Variants in C12orf42 observed in about 807,000 individuals in gnomAD.
C12orf42 encodes the protein uncharacterized protein C12orf42.
C12orf42 carries 25 observed loss-of-function variants against 21.6 expected under a neutral mutation model. That is an observed-to-expected ratio of 1.16 (90% CI 0.84 to 1.62). The LOEUF (loss-of-function observed/expected upper bound fraction) is 1.62. C12orf42 is among the 40% of genes most tolerant of loss of function. C12orf42 has a pLI of 0.00. For missense variants in C12orf42, 483 were observed against 459.3 expected (o/e 1.05, Z -0.47); for synonymous variants, 174 against 175.0 (o/e 0.99, Z 0.05).
the C12orf42 span, among the ~76,000 whole-genome samples, chr12:103,176,432 TATAA>T: frequency 5.9e-5 from 9 of 152,174 alleles, no homozygotes; most frequent in Non-Finnish European, 1.3e-4. Context: ...AGGTTTCTTG[TATAA>T]ATGAGATAAT....
chr12:103,533,893 C>T, the C12orf42 span, among the ~76,000 whole-genome samples: 1 of 152,152 alleles, frequency 6.6e-6, no homozygotes, highest in African/African-American at 2.4e-5. Flanking sequence ...ACTAGCCCAG[C>T]ACTTACCAAT....
At chr12:103,220,374 A>G in the C12orf42 span, among the ~76,000 whole-genome samples, 3 of 152,202 alleles carry the variant, frequency 2.0e-5, no homozygotes, top group African/African-American at 7.2e-5. Flanking sequence ...CTGCACATGT[A>G]TCCCAAAACT....
intron 2 of C12orf42, among the ~76,000 whole-genome samples, chr12:103,425,121 A>T (rs1269814091): frequency 6.6e-6 from 1 of 152,228 alleles, no homozygotes; most frequent in Non-Finnish European, 1.5e-5. Context: ...CACTGTAGCC[A>T]GACTGCCTCT....
At chr12:103,388,170 A>T (rs1204144303) in intron 3 of C12orf42, among the ~76,000 whole-genome samples, 2 of 152,108 alleles carry the variant, frequency 1.3e-5, no homozygotes, top group Non-Finnish European at 2.9e-5. Context: ...GTGCCAGAGA[A>T]GGGGGGGTGA....
chr12:103,064,379 C>A, the C12orf42 span, among the ~76,000 whole-genome samples: 1 of 152,196 alleles, frequency 6.6e-6, no homozygotes, highest in Non-Finnish European at 1.5e-5. Context: ...TAATGGACAG[C>A]AGAGGCAAAG....
intron 4 of C12orf42, among the ~76,000 whole-genome samples, chr12:103,293,066 C>A (rs1172868478): frequency 6.6e-6 from 1 of 151,956 alleles, no homozygotes; most frequent in African/African-American, 2.4e-5. Context: ...TTTCCAAAAG[C>A]CACACATACT....
rs200672783 is a variant in C12orf42, at chr12:103,478,398, C to T, written c.29G>A (p.Arg10Lys). MSTVICMKQREEEFLLTIRP... is the reference protein window; with the variant it reads MSTVICMKQKEEEFLLTIRP... ...GATGGTTAGCAAGAATTCTTCTTCCCTTTGTTTCATACATATCACTGTAGA... is the reference window on the plus strand; with the variant it reads ...GATGGTTAGCAAGAATTCTTCTTCCTTTTGTTTCATACATATCACTGTAGA... The change falls in exon 2 of 6, where the codon AGG (arginine) becomes AAG (lysine). Residue 10 changes from arginine to lysine, a missense_variant. By Grantham distance (26) the Arg-to-Lys change is conservative. Transcript: ENST00000548883. 275 of 1,599,774 alleles carry T rather than the reference C, an allele frequency of 1.7e-4. No homozygotes were observed. The highest frequency in any genetic ancestry group is 2.1e-4 in the Non-Finnish European group (244 of 1,170,946).
chr12:103,143,694 T>C, the C12orf42 span, among the ~76,000 whole-genome samples: 1 of 152,336 alleles, frequency 6.6e-6, no homozygotes, highest in Non-Finnish European at 1.5e-5. Flanking sequence ...ACAGAGTCTT[T>C]CTCTAATAGG....
intron 4 of C12orf42, among the ~76,000 whole-genome samples, chr12:103,348,705 C>A (rs1287026901): frequency 6.6e-6 from 1 of 152,040 alleles, no homozygotes; most frequent in African/African-American, 2.4e-5. Flanking sequence ...GAAGACATAG[C>A]CTTACTGAAC....
At chr12:103,145,696 T>A in the C12orf42 span, among the ~76,000 whole-genome samples, 1 of 152,218 alleles carries the variant, frequency 6.6e-6, no homozygotes. Context: ...ACATTGTATA[T>A]AATTGTGAAA....
At chr12:103,364,012 G>A (rs2044360851) in intron 4 of C12orf42, among the ~76,000 whole-genome samples, 1 of 152,062 alleles carries the variant, frequency 6.6e-6, no homozygotes, top group Non-Finnish European at 1.5e-5. Context: ...GATATTTACA[G>A]AACATTCTAC....
At chr12:103,546,913 C>T in the C12orf42 span, among the ~76,000 whole-genome samples, 11 of 152,280 alleles carry the variant, frequency 7.2e-5, no homozygotes, top group African/African-American at 2.4e-4. Context: ...GATGAACAGG[C>T]CTTGCTAAGT....
chr12:103,457,382 A>G (rs1296612032), intron 2 of C12orf42, among the ~76,000 whole-genome samples: 1 of 152,140 alleles, frequency 6.6e-6, no homozygotes, highest in Non-Finnish European at 1.5e-5. Context: ...TTCTTTTTCC[A>G]TGTTTATACC....
At chr12:103,462,705 G>A (rs1565869189) in intron 2 of C12orf42, among the ~76,000 whole-genome samples, 1 of 152,118 alleles carries the variant, frequency 6.6e-6, no homozygotes, top group East Asian at 1.9e-4. Context: ...AATCAGAAAA[G>A]GAATAGAAAA....
intron 3 of C12orf42, among the ~76,000 whole-genome samples, chr12:103,397,177 G>A (rs904492305): frequency 6.6e-6 from 1 of 152,188 alleles, no homozygotes; most frequent in South Asian, 2.1e-4. Context: ...TTGATGGTCT[G>A]TATAGCTTCA....
chr12:103,226,373 T>C, the C12orf42 span, among the ~76,000 whole-genome samples: 1 of 152,102 alleles, frequency 6.6e-6, no homozygotes, highest in Non-Finnish European at 1.5e-5. Context: ...CGGGAGCAGA[T>C]TGGGTAATAA....
intron 1 of C12orf42, among the ~76,000 whole-genome samples, chr12:103,481,916 A>AT (rs1355293134): frequency 6.6e-6 from 1 of 151,746 alleles, no homozygotes; most frequent in Non-Finnish European, 1.5e-5. Context: ...TACCTTTATA[A>AT]TAAAACATGT....
chr12:103,280,187 C>T (rs1043432398), intron 4 of C12orf42, among the ~76,000 whole-genome samples: 3 of 152,092 alleles, frequency 2.0e-5, no homozygotes, highest in Non-Finnish European at 4.4e-5. Flanking sequence ...AGGCAAGGAA[C>T]CAGAGGCTTT....
At chr12:103,258,822 G>A (rs1308874031) in intron 10 of C12orf42, among the ~76,000 whole-genome samples, 1 of 151,996 alleles carries the variant, frequency 6.6e-6, no homozygotes, top group Non-Finnish European at 1.5e-5. Context: ...ACACAAAAGG[G>A]GATTGAAATA....
Sources: gnomAD v4.1 joint callset for allele counts (sites outside exome capture counted in the v4.1 genomes callset) on GRCh38, gnomAD v4.1.1 for gene constraint, MANE v1.5 for transcripts, NCBI Gene and HGNC (gene_info 2026-07-23, HGNC 2026-07-21) for gene names.